The following CEP164 variants were observed in gnomAD, a reference collection of about 807,000 sequenced individuals.
The protein encoded by CEP164 is centrosomal protein of 164 kDa.
A neutral mutation model predicts 182.7 loss-of-function variants in CEP164; 162 were observed. That is an observed-to-expected ratio of 0.89 (90% CI 0.78 to 1.01). The LOEUF is 1.01. CEP164 is among the 50% of genes least tolerant of loss of function. The pLI is 0.00. For missense variants in CEP164, 1,735 were observed against 1,790.4 expected (o/e 0.97, Z 0.56); for synonymous variants, 661 against 690.0 (o/e 0.96, Z 0.66).
intron 6 of CEP164, 43 bp from the exon 7 acceptor site, chr11:117,362,361 G>T: frequency 6.3e-7 from 1 of 1,592,450 alleles, no homozygotes; most frequent in Non-Finnish European, 8.6e-7. Flanking sequence ...CATTCCAAAG[G>T]TCTTCCAAGT....
At chr11:117,381,282 A>G (rs2043288365) in intron 12 of CEP164, among the ~76,000 whole-genome samples, 1 of 152,232 alleles carries the variant, frequency 6.6e-6, no homozygotes, top group African/African-American at 2.4e-5. Context: ...TTGGACCTGC[A>G]AAAACTATCC....
chr11:117,395,870 G>A, intron 24 of CEP164, 148 bp downstream of exon 24: 2 of 1,219,158 alleles, frequency 1.6e-6, no homozygotes, highest in Admixed American at 5.2e-5. Flanking sequence ...CATTTTGTAG[G>A]GAGTTGGGGT....
At position 117,373,609 on chromosome 11, in the gene CEP164, C is replaced by T. The variant is rs546318968; in HGVS notation, c.1153-142C>T. ...AGAGAATGGCGGGGTCCACAGGCCT[C>T]GTTTAGGTTTTCAAGAAGAGTGGAT... On this transcript the variant is annotated intron_variant, in intron 9 of 32. Coordinates refer to ENST00000278935, the MANE Select transcript of CEP164 (RefSeq NM_014956.5). The T allele has an allele frequency of 2.8e-4, 202 of 713,932 alleles. 1 individual carries two copies. Among genetic ancestry groups the T allele is most frequent in the Admixed American group, 2.0e-3 (85 of 42,432 alleles). The allele number at this position is 713,932 out of a possible 1,614,324, so 44.2% of individuals were successfully genotyped here.
intron 4 of CEP164, among the ~76,000 whole-genome samples, chr11:117,349,524 T>A (rs939699316): frequency 6.6e-6 from 1 of 152,166 alleles, no homozygotes; most frequent in Non-Finnish European, 1.5e-5. Context: ...GGTATTGCTC[T>A]GTTACCCAGG....
chr11:117,392,577 G>GAGC lies in CEP164; in HGVS notation c.2445_2447dup (p.Glu815_His816insGln). 6.2e-7 allele frequency: 1 copy of GAGC among 1,614,164 alleles called. No homozygotes were observed. Among genetic ancestry groups the GAGC allele is most frequent in the Non-Finnish European group, 8.5e-7 (1 of 1,180,032 alleles). On this transcript the variant is annotated inframe_insertion, in exon 19 of 33. Transcript: ENST00000278935. ...GCTGCAGAAGTGCCTTGGGCAAGTG[G>GAGC]AGCACAGAGTTCACCAGAAGTCTTA...
intron 4 of CEP164, 99 bp from the exon 5 acceptor site, chr11:117,351,691 C>T (rs945979208): frequency 7.2e-6 from 8 of 1,115,110 alleles, no homozygotes; most frequent in African/African-American, 3.1e-5. Context: ...TCTCTTCCTC[C>T]TCTTTCACCT....
chr11:117,373,857 G>A (rs377192638), intron 10 of CEP164, 26 bp downstream of exon 10: 4 of 1,597,316 alleles, frequency 2.5e-6, no homozygotes, highest in Middle Eastern at 3.3e-4. Flanking sequence ...GGGCAGTAGA[G>A]TGGTGGTGAA....
rs372756736 is a variant in CEP164, at chr11:117,394,403, C to T, written c.2670C>T (p.Arg890=). 6.2e-7 allele frequency: 1 copy of T among 1,612,882 alleles called. No individual in the cohort carries two copies. Among genetic ancestry groups the T allele is most frequent in the Non-Finnish European group, 8.5e-7 (1 of 1,179,604 alleles). The change falls in exon 21 of 33, where the codon CGC becomes CGT. Residue 890 remains arginine (R), a synonymous_variant. Coordinates refer to ENST00000278935, the MANE Select transcript of CEP164 (RefSeq NM_014956.5). This position sits in a 1 kb window ranked among gnomAD's most constrained non-coding sequence, Gnocchi z 4.0. ...LLGHLTGELE[R]LQRAHERELE... is the part of the protein sequence containing the mutation. Reference sequence around the variant, plus strand: ...GGCACCTGACCGGAGAGCTGGAGCGCCTGCAGAGGGCCCATGAACGAGAAC... The same window carrying T: ...GGCACCTGACCGGAGAGCTGGAGCGTCTGCAGAGGGCCCATGAACGAGAAC...
Position 117,356,346 on chromosome 11 carries a change from C to CA in CEP164, c.393+4359dup, listed in dbSNP as rs1281689513. On this transcript the variant is annotated intron_variant, in intron 5 of 32. Transcript: ENST00000278935. ...ATGCCGTGCAGACACAGCGCCAGCA[C>CA]AGTCTGTTGCATGGCAGCTGAGTCT... The CA allele has an allele frequency of 2.6e-6, 3 of 1,164,440 alleles. No homozygotes were observed. The African/African-American group carries it at 4.9e-5, about 19-fold the overall frequency. 72.1% of individuals were successfully genotyped at this position (1,164,440 alleles called of 1,614,324 possible).
At chr11:117,347,573 G>A (rs2039066857) in intron 4 of CEP164, among the ~76,000 whole-genome samples, 1 of 151,768 alleles carries the variant, frequency 6.6e-6, no homozygotes, top group Admixed American at 6.6e-5. Context: ...AGCCAGGCGT[G>A]GTGGCACATG....
intron 5 of CEP164, chr11:117,355,449 G>A (rs2135525871): frequency 1.6e-6 from 2 of 1,289,748 alleles, no homozygotes; most frequent in Non-Finnish European, 1.0e-6. Context: ...GCCATCAAAG[G>A]CCTGCCACTG....
At chr11:117,410,736 C>T in intron 30 of CEP164, 92 bp from the exon 31 acceptor site, 3 of 1,047,326 alleles carry the variant, frequency 2.9e-6, no homozygotes, top group Non-Finnish European at 4.3e-6. Flanking sequence ...GAAGCTTTTC[C>T]TTTTATTGTT....
At chr11:117,361,738 C>A in intron 5 of CEP164, 97 bp from the exon 6 acceptor site, 1 of 1,255,400 alleles carries the variant, frequency 8.0e-7, no homozygotes, top group Non-Finnish European at 1.2e-6. Flanking sequence ...TAAATTTGAG[C>A]GTGCAGGATT....
chr11:117,392,133 G>C (rs1161825760), intron 17 of CEP164, 93 bp from the exon 18 acceptor site: 7 of 1,126,696 alleles, frequency 6.2e-6, no homozygotes, highest in Non-Finnish European at 8.7e-6. Context: ...CCCTGATCTC[G>C]AGGGCTTGGG....
In CEP164 at chr11:117,409,549, G is replaced by A; in HGVS notation, c.3749-69G>A. 1 of 1,411,338 alleles carries A rather than the reference G, an allele frequency of 7.1e-7. No homozygotes were observed. Among genetic ancestry groups the A allele is most frequent in the Non-Finnish European group, 9.7e-7 (1 of 1,028,114 alleles). The allele number at this position is 1,411,338 out of a possible 1,614,324, so 87.4% of individuals were successfully genotyped here. On this transcript the variant is annotated intron_variant, in intron 29 of 32. Transcript: ENST00000278935. This position sits in a 1 kb window ranked among gnomAD's most constrained non-coding sequence, Gnocchi z 4.4. ...GTGGCCAGTAGGGTCCTCCATGACA[G>A]CTGTGTCTGGGAATGGTCCAGGGTC...
chr11:117,342,530 G>A (rs2038272965), intron 3 of CEP164, among the ~76,000 whole-genome samples: 1 of 151,332 alleles, frequency 6.6e-6, no homozygotes, highest in African/African-American at 2.4e-5. Flanking sequence ...AGGCTGGAGT[G>A]CAATGGTGGG....
intron 2 of CEP164, chr11:117,336,655 TC>T: frequency 9.9e-7 from 1 of 1,005,318 alleles, no homozygotes; most frequent in East Asian, 2.4e-5. Context: ...CTCCAGCCTT[TC>T]CACGGCTGCC....
chr11:117,323,938 G>T, upstream of CEP164: 1 of 316,032 alleles, frequency 3.2e-6, no homozygotes, highest in Non-Finnish European at 6.8e-6. Flanking sequence ...TTAAAAATCC[G>T]GTTATTTGGT....
Position 117,382,870 on chromosome 11 carries a change from C to T in CEP164, c.1652C>T (p.Pro551Leu). The change falls in exon 14 of 33, where the codon CCT becomes CTT. Residue 551 changes from proline (P) to leucine (L), a missense_variant. Transcript: ENST00000278935. ...CATTCCCAGGCCGAGGAGCTGGGCCCTGGGCAGGAAGAGGCAGAGGATCCT... is the reference window on the plus strand; with the variant it reads ...CATTCCCAGGCCGAGGAGCTGGGCCTTGGGCAGGAAGAGGCAGAGGATCCT... The part of the protein sequence containing the change: ...EQHSQAEELG[P>L]GQEEAEDPEE... 6.2e-7 allele frequency: 1 copy of T among 1,613,968 alleles called. No individual in the cohort carries two copies. Among genetic ancestry groups the T allele is most frequent in the Non-Finnish European group, 8.5e-7 (1 of 1,180,010 alleles).
Sources: allele counts gnomAD v4.1 joint callset (sites outside exome capture counted in the v4.1 genomes callset), GRCh38; gene constraint gnomAD v4.1.1; non-coding constraint Gnocchi (gnomAD v3.1); transcripts MANE v1.5; gene names NCBI Gene and HGNC (gene_info 2026-07-23, HGNC 2026-07-21).